APPL2: variants seen among roughly 807,000 people sequenced by gnomAD.
APPL2 encodes adaptor protein, phosphotyrosine interacting with PH domain and leucine zipper 2.
Under a neutral mutation model 92.7 loss-of-function variants are expected in APPL2, and 84 were observed. The observed-to-expected ratio is 0.91, with a 90% CI of 0.76 to 1.09. APPL2 has a LOEUF of 1.09. Ranked by LOEUF, APPL2 falls within the 50% of genes least tolerant of loss-of-function variation. APPL2 has a pLI of 0.00. For missense variants in APPL2, 736 were observed against 824.5 expected (o/e 0.89, Z 1.31); for synonymous variants, 291 against 291.0 (o/e 1.00, Z 0.00).
At chr12:105,181,203 A>C (rs1388029713) in intron 17 of APPL2, among the ~76,000 whole-genome samples, 2 of 152,234 alleles carry the variant, frequency 1.3e-5, no homozygotes, top group Non-Finnish European at 2.9e-5. Flanking sequence ...CCTTTTCTGC[A>C]TCTATTGAGA....
At chr12:105,178,970 C>G (rs12425893) in intron 17 of APPL2, among the ~76,000 whole-genome samples, 49,745 of 152,068 alleles carry the variant, frequency 0.33, 10,778 homozygotes, top group African/African-American at 0.63. Flanking sequence ...CTGTTTAAAT[C>G]AGGTAACCTA....
intron 4 of APPL2, among the ~76,000 whole-genome samples, chr12:105,214,988 G>T (rs986981462): frequency 2.0e-5 from 3 of 152,188 alleles, no homozygotes; most frequent in Non-Finnish European, 4.4e-5. Context: ...AGAGGGCACG[G>T]AAGTTCCACG....
chr12:105,235,913 C>G, intron 1 of APPL2, 46 bp downstream of exon 1: 2 of 1,226,830 alleles, frequency 1.6e-6, no homozygotes, highest in Non-Finnish European at 2.0e-6. Flanking sequence ...GGGGCCTCCT[C>G]GGCCTCACCC....
rs548902463 is a variant in APPL2 at position 105,179,997 on chromosome 12, T to C, written c.1635-2735A>G. Among the ~76,000 whole-genome samples the C allele has an allele frequency of 2.6e-5, 4 of 152,378 alleles. No homozygotes were observed. The South Asian group carries it at 8.3e-4, about 32-fold the overall frequency. On this transcript the variant is annotated intron_variant, in intron 17 of 20. Transcript: ENST00000258530. The stretch of plus-strand genomic sequence containing the variant: ...TTTAATTAGACCCCATTTGTCAATT[T>C]TGGCTTTTGTTGCCATTGCTTCTGG...
intron 10 of APPL2, 36 bp from the exon 11 acceptor site, chr12:105,197,989 G>C (rs755030219): frequency 6.3e-7 from 1 of 1,596,378 alleles, no homozygotes; most frequent in South Asian, 1.1e-5. Context: ...ATTAGTACCA[G>C]AAAGCACCAG....
chr12:105,217,645 G>A lies in APPL2; in HGVS notation c.213+21C>T, dbSNP rs777431928. On this transcript the variant is annotated intron_variant, in intron 3 of 20. Coordinates refer to ENST00000258530, the MANE Select transcript of APPL2 (RefSeq NM_018171.5). ...AGTCCTGAACACAGCAGCATCACAGGCCACATAAATACCAAGTTACCTGTT... is the reference window on the plus strand; with the variant it reads ...AGTCCTGAACACAGCAGCATCACAGACCACATAAATACCAAGTTACCTGTT... The A allele has an allele frequency of 2.6e-5, 42 of 1,612,920 alleles. No individual in the cohort carries two copies. The Middle Eastern group carries it at 4.9e-4, about 19-fold the overall frequency.
At position 105,199,427 on chromosome 12, in the gene APPL2, G is replaced by A. The variant is rs200465844; in HGVS notation, c.809C>T (p.Ala270Val). The change falls in exon 10 of 21, where the codon GCA becomes GTA. Residue 270 changes from alanine to valine, a missense_variant. Physicochemically the swap from Ala to Val is moderately conservative, Grantham distance 64 (BLOSUM62 0). Transcript: ENST00000258530. Reference sequence around the variant, plus strand: ...GATGAGGTTCCTGTTGATCTGTGGTGCGGCCACATCAGAGTCTGGAGTGTA... The same window carrying A: ...GATGAGGTTCCTGTTGATCTGTGGTACGGCCACATCAGAGTCTGGAGTGTA... ...SVYTPDSDVAAPQINRNLIQK... is the reference protein window; with the variant it reads ...SVYTPDSDVAVPQINRNLIQK... 110 of 1,614,000 alleles carry A rather than the reference G, an allele frequency of 6.8e-5. No homozygotes were observed. Among genetic ancestry groups the A allele is most frequent in the Non-Finnish European group, 1.6e-5 (19 of 1,179,998 alleles).
At chr12:105,208,661 C>T (rs1007899163) in intron 5 of APPL2, among the ~76,000 whole-genome samples, 3 of 152,134 alleles carry the variant, frequency 2.0e-5, no homozygotes, top group Admixed American at 1.3e-4. Context: ...CAAAGGAATA[C>T]GCGGTGCTTG....
At chr12:105,185,809 A>G (rs1333625410) in intron 17 of APPL2, among the ~76,000 whole-genome samples, 1 of 152,164 alleles carries the variant, frequency 6.6e-6, no homozygotes, top group Admixed American at 6.5e-5. Context: ...TGACGTATGC[A>G]TAACGTCAGA....
chr12:105,182,986 G>A (rs1004569669), intron 17 of APPL2, among the ~76,000 whole-genome samples: 1 of 150,860 alleles, frequency 6.6e-6, no homozygotes, highest in Non-Finnish European at 1.5e-5. Flanking sequence ...TTGTTGCATT[G>A]ATCCCTTTAC....
Position 105,177,213 on chromosome 12 carries a change from A to G in APPL2, c.1671+13T>C, listed in dbSNP as rs770443632. On this transcript the variant is annotated intron_variant, in intron 18 of 20. Coordinates refer to ENST00000258530, the MANE Select transcript of APPL2 (RefSeq NM_018171.5). The stretch of plus-strand genomic sequence containing the variant: ...GGAGTAATCACTAACATGAACCTGT[A>G]TGCGGTACTTACATTGGCCCTTGAT... The G allele has an allele frequency of 2.5e-6, 4 of 1,613,222 alleles. No individual in the cohort carries two copies. In the African/African-American group the frequency reaches 5.3e-5, roughly 22 times the overall value.
chr12:105,217,003 C>A, intron 4 of APPL2, 66 bp downstream of exon 4: 1 of 1,209,234 alleles, frequency 8.3e-7, no homozygotes, highest in East Asian at 2.4e-5. Flanking sequence ...GGAAAGTGGG[C>A]CAAAATAACA....
At chr12:105,192,182 T>C (rs1164404126) in intron 14 of APPL2, among the ~76,000 whole-genome samples, 1 of 152,172 alleles carries the variant, frequency 6.6e-6, no homozygotes, top group Non-Finnish European at 1.5e-5. Flanking sequence ...CGCTTATCCA[T>C]CAAAAGTCCC....
At chr12:105,234,752 T>C (rs1891128913) in intron 1 of APPL2, among the ~76,000 whole-genome samples, 1 of 151,650 alleles carries the variant, frequency 6.6e-6, no homozygotes, top group South Asian at 2.1e-4. Flanking sequence ...CCAAGGGCTT[T>C]AGTCTGATTA....
intron 11 of APPL2, 41 bp downstream of exon 11, chr12:105,197,724 C>T (rs372970596): frequency 1.2e-6 from 2 of 1,612,010 alleles, no homozygotes; most frequent in Middle Eastern, 1.8e-4. Context: ...GGTGGAACCA[C>T]TATACTCATT....
intron 17 of APPL2, among the ~76,000 whole-genome samples, chr12:105,177,912 T>C (rs560696039): frequency 2.0e-5 from 3 of 152,294 alleles, no homozygotes; most frequent in East Asian, 1.9e-4. Context: ...TGCCTCAGCC[T>C]CCTGAGTAGC....
intron 9 of APPL2, among the ~76,000 whole-genome samples, chr12:105,200,805 G>A (rs553416476): frequency 6.2e-4 from 95 of 152,102 alleles, no homozygotes; most frequent in African/African-American, 2.0e-3. Context: ...GTTGGGCTTG[G>A]ACATTCCATA....
At chr12:105,210,038 G>A (rs1451119640) in intron 5 of APPL2, among the ~76,000 whole-genome samples, 2 of 151,954 alleles carry the variant, frequency 1.3e-5, no homozygotes, top group Non-Finnish European at 2.9e-5. Flanking sequence ...TCGGCTCACT[G>A]CAACCTCCAC....
intron 5 of APPL2, 129 bp from the exon 6 acceptor site, chr12:105,208,328 C>T (rs1888927207): frequency 9.1e-7 from 1 of 1,097,758 alleles, no homozygotes; most frequent in African/African-American, 1.6e-5. Context: ...CAGTCCCTGG[C>T]TCTCACAGGC....
Sources: gnomAD v4.1 joint callset for allele counts (sites outside exome capture counted in the v4.1 genomes callset) on GRCh38, gnomAD v4.1.1 for gene constraint, MANE v1.5 for transcripts, NCBI Gene and HGNC (gene_info 2026-07-23, HGNC 2026-07-21) for gene names.